The following SLC2A7 variants were observed in gnomAD, a reference collection of about 807,000 sequenced individuals.
SLC2A7 encodes the protein solute carrier family 2 member 7, also known as solute carrier family 2, facilitated glucose transporter member 7.
In SLC2A7, 50 loss-of-function variants were observed where a neutral mutation model predicts 50.5. The observed-to-expected ratio is 0.99, with a 90% confidence interval of 0.79 to 1.25. The LOEUF (loss-of-function observed/expected upper bound fraction) is 1.25, where lower values mean the gene tolerates loss of function less well. Among genes scored for constraint, SLC2A7 ranks in the 50% most tolerant of loss-of-function variants. SLC2A7 has a pLI of 0.00. For missense variants in SLC2A7, 683 were observed against 679.1 expected (o/e 1.01, Z -0.06); for synonymous variants, 308 against 300.4 (o/e 1.03, Z -0.26).
intron 2 of SLC2A7, among the ~76,000 whole-genome samples, chr1:9,023,845 T>TTTTTTTTTTTTTTTTG: frequency 3.4e-5 from 1 of 29,114 alleles, no homozygotes; most frequent in African/African-American, 1.6e-4. Flanking sequence ...CTTCTTTTTT[T>TTTTTTTTTTTTTTTTG]TTTTTTTTTT....
chr1:9,015,049 C>A, intron 6 of SLC2A7, 68 bp downstream of exon 6: 1 of 1,596,388 alleles, frequency 6.3e-7, no homozygotes, highest in Admixed American at 1.7e-5. Flanking sequence ...CTGACTGTGG[C>A]CCTGACCGTG....
intron 8 of SLC2A7, among the ~76,000 whole-genome samples, chr1:9,011,079 GT>G (rs149405535): frequency 0.037 from 5,653 of 152,322 alleles, 344 homozygotes; most frequent in African/African-American, 0.13. Context: ...AGCCCCTGTG[GT>G]CCCCGACCCT....
In SLC2A7 at chr1:9,015,225, C is replaced by G; in HGVS notation, c.607G>C (p.Ala203Pro). 6.2e-7 allele frequency: 1 copy of G among 1,600,914 alleles called. No individual in the cohort carries two copies. Among genetic ancestry groups the G allele is most frequent in the Non-Finnish European group, 8.5e-7 (1 of 1,175,440 alleles). Reference protein sequence around the residue: ...GNPAGWPVLLALTGVPALLQL... With the variant: ...GNPAGWPVLLPLTGVPALLQL... The stretch of plus-strand genomic sequence containing the variant: ...AGCAGGGCGGGCACCCCTGTGAGCG[C>G]CAGAAGCACCGGCCAGCCTGCAAGG... The change falls in exon 6 of 12, where the codon GCG (alanine) becomes CCG (proline). Residue 203 changes from alanine to proline, a missense_variant. Coordinates refer to ENST00000400906, the MANE Select transcript of SLC2A7 (RefSeq NM_207420.3).
Position 9,023,051 on chromosome 1 carries a change from A to T in SLC2A7, c.178T>A (p.Tyr60Asn). 1 of 1,613,972 alleles carries T rather than the reference A, an allele frequency of 6.2e-7. No individual in the cohort carries two copies. The highest frequency in any genetic ancestry group is 8.5e-7 in the Non-Finnish European group (1 of 1,179,860). ...KVFKSFYNET[Y>N]FERHATFMDG... ...ATGAATGTTGCGTGTCGCTCAAAGTAGGTTTCGTTGTAAAATGACTTGAAG... is the reference window on the plus strand; with the variant it reads ...ATGAATGTTGCGTGTCGCTCAAAGTTGGTTTCGTTGTAAAATGACTTGAAG... Residue 60 changes from tyrosine to asparagine, a missense_variant, in exon 3 of 12, where the codon TAC (tyrosine) becomes AAC (asparagine). By Grantham distance (143) the Tyr-to-Asn change is moderately radical. Transcript: ENST00000400906.
At chr1:9,010,119 A>AG (rs1170505491) in intron 9 of SLC2A7, 24 bp downstream of exon 9, 1 of 1,399,398 alleles carries the variant, frequency 7.1e-7, no homozygotes, top group Non-Finnish European at 9.8e-7. Context: ...CTCCCCACCC[A>AG]GGGGGCAGGA....
chr1:9,018,728 G>A (rs1234002232), intron 4 of SLC2A7, among the ~76,000 whole-genome samples: 1 of 152,240 alleles, frequency 6.6e-6, no homozygotes, highest in Non-Finnish European at 1.5e-5. Flanking sequence ...CAGATTGCTT[G>A]TCTAACTTTT....
At chr1:9,016,343 G>T (rs554900335) in intron 5 of SLC2A7, among the ~76,000 whole-genome samples, 1 of 152,316 alleles carries the variant, frequency 6.6e-6, no homozygotes, top group South Asian at 2.1e-4. Context: ...AGTGGCTCAT[G>T]CCTGTAATCC....
At position 9,003,346 on chromosome 1, in the gene SLC2A7, T is replaced by G; in HGVS notation, c.1493A>C (p.Asp498Ala). 1 of 1,614,192 alleles carries G rather than the reference T, an allele frequency of 6.2e-7. No individual in the cohort carries two copies. The highest frequency in any genetic ancestry group is 8.5e-7 in the Non-Finnish European group (1 of 1,180,028). ...KLPEEKEETIDAGPPTASPAK... is the reference protein window; with the variant it reads ...KLPEEKEETIAAGPPTASPAK... Reference sequence around the variant, plus strand: ...AGGAGAGGCTGTGGGAGGCCCAGCATCAATGGTTTCTTCTTTCTCCTCTGG... The same window carrying G: ...AGGAGAGGCTGTGGGAGGCCCAGCAGCAATGGTTTCTTCTTTCTCCTCTGG... The change falls in exon 12 of 12, where the codon GAT becomes GCT. Residue 498 changes from aspartate to alanine, a missense_variant. By Grantham distance (126) the Asp-to-Ala change is moderately radical. Transcript: ENST00000400906.
At chr1:9,014,904 C>A in intron 6 of SLC2A7, 36 bp from the exon 7 acceptor site, 1 of 1,547,674 alleles carries the variant, frequency 6.5e-7, no homozygotes, top group East Asian at 2.4e-5. Flanking sequence ...AGAGGGCCGT[C>A]TCCCTGCAGG....
chr1:8,997,299 C>T, the SLC2A7 span, among the ~76,000 whole-genome samples: 7 of 151,984 alleles, frequency 4.6e-5, no homozygotes, highest in African/African-American at 1.7e-4. Flanking sequence ...GAGCGAGACC[C>T]TGTTTCTTAA....
chr1:9,022,614 C>A (rs1261428285), intron 3 of SLC2A7, among the ~76,000 whole-genome samples: 1 of 152,100 alleles, frequency 6.6e-6, no homozygotes, highest in Non-Finnish European at 1.5e-5. Flanking sequence ...TTACTGAACA[C>A]CCACTGGAAG....
intron 1 of SLC2A7, among the ~76,000 whole-genome samples, chr1:9,025,300 G>A (rs1160620744): frequency 1.3e-5 from 2 of 152,198 alleles, no homozygotes; most frequent in African/African-American, 2.4e-5. Flanking sequence ...CATCTGCTAC[G>A]TGCCTGGCCC....
intron 2 of SLC2A7, 54 bp from the exon 3 acceptor site, chr1:9,023,132 T>A: frequency 6.4e-7 from 1 of 1,571,724 alleles, no homozygotes; most frequent in South Asian, 1.2e-5. Flanking sequence ...TCATGAGAAA[T>A]GAGAAAGTGT....
chr1:9,010,924 C>T (rs978286817), intron 8 of SLC2A7, among the ~76,000 whole-genome samples: 1 of 152,228 alleles, frequency 6.6e-6, no homozygotes, highest in Non-Finnish European at 1.5e-5. Flanking sequence ...AGCAAACAAA[C>T]CGCTGTCTGG....
At chr1:9,023,648 T>A (rs888801905) in intron 2 of SLC2A7, among the ~76,000 whole-genome samples, 18 of 151,348 alleles carry the variant, frequency 1.2e-4, no homozygotes, top group Admixed American at 2.0e-4. Context: ...GGCTCACACC[T>A]GTAATCCTGG....
rs1406053501 is a variant in SLC2A7, at chr1:9,023,046, A to G, written c.183T>C (p.Phe61=). ...CGTCCATGAATGTTGCGTGTCGCTC[A>G]AAGTAGGTTTCGTTGTAAAATGACT... ...VFKSFYNETY[F]ERHATFMDGK... The change falls in exon 3 of 12, where the codon TTT becomes TTC. Residue 61 remains phenylalanine, a synonymous_variant. Transcript: ENST00000400906. 1.9e-6 allele frequency: 3 copies of G among 1,614,126 alleles called. No individual in the cohort carries two copies. The highest frequency in any genetic ancestry group is 2.7e-5 in the African/African-American group (2 of 75,064).
intron 1 of SLC2A7, 79 bp downstream of exon 1, chr1:9,026,216 C>T (rs1640998680): frequency 6.7e-7 from 1 of 1,482,018 alleles, no homozygotes; most frequent in African/African-American, 1.4e-5. Context: ...AAAAGCATTC[C>T]ACGGCCTTCA....
At chr1:9,017,947 C>A (rs756243403) in intron 5 of SLC2A7, among the ~76,000 whole-genome samples, 1 of 152,012 alleles carries the variant, frequency 6.6e-6, no homozygotes. Flanking sequence ...TTGAAAGAAA[C>A]CTCTTCTCTC....
intron 8 of SLC2A7, among the ~76,000 whole-genome samples, chr1:9,011,432 T>C (rs1220732618): frequency 2.6e-5 from 4 of 152,162 alleles, no homozygotes; most frequent in Non-Finnish European, 4.4e-5. Flanking sequence ...GACAGGAGGA[T>C]TGATTGAGCT....
Sources: gnomAD v4.1 joint callset for allele counts (sites outside exome capture counted in the v4.1 genomes callset) on GRCh38, gnomAD v4.1.1 for gene constraint, MANE v1.5 for transcripts, NCBI Gene and HGNC (gene_info 2026-07-23, HGNC 2026-07-21) for gene names.